Variants in FAT3 observed in about 807,000 individuals in gnomAD.
FAT3 encodes protocadherin Fat 3.
In FAT3, 95 loss-of-function variants were observed where a neutral mutation model predicts 310.2. The ratio of observed to expected loss-of-function variants is 0.31; its 90% CI spans 0.26 to 0.36. The LOEUF is 0.36. Among genes scored for constraint, FAT3 ranks in the 10% least tolerant of loss-of-function variants. The pLI, the probability that FAT3 is intolerant of heterozygous loss-of-function variation, is 1.00. For missense variants in FAT3, 5,408 were observed against 5,715.6 expected, an observed-to-expected ratio of 0.95 and a Z score of 1.74; for synonymous variants, 2,314 against 2,192.9, an observed-to-expected ratio of 1.06 and a Z score of -1.54.
At chr11:92,561,250 C>CGTGTGTGTGTGTGTGT (rs66585879) in intron 3 of FAT3, among the ~76,000 whole-genome samples, 1 of 148,382 alleles carries the variant, frequency 6.7e-6, no homozygotes, top group Admixed American at 6.7e-5. Context: ...CCTTCTACTT[C>CGTGTGTGTGTGTGTGT]GTGTGTGTGT....
intron 1 of FAT3, among the ~76,000 whole-genome samples, chr11:92,291,664 T>C (rs937965917): frequency 6.6e-6 from 1 of 152,130 alleles, no homozygotes; most frequent in Admixed American, 6.5e-5. Context: ...GAGCCACAGA[T>C]AAAATTCCAA....
chr11:92,474,951 T>C (rs1198225205), intron 2 of FAT3, among the ~76,000 whole-genome samples: 5 of 152,230 alleles, frequency 3.3e-5, no homozygotes, highest in Admixed American at 2.0e-4. Context: ...CAAGCAATAA[T>C]GGCTTTCTGA....
intron 2 of FAT3, among the ~76,000 whole-genome samples, chr11:92,431,355 G>A (rs922227662): frequency 2.6e-5 from 4 of 152,108 alleles, no homozygotes; most frequent in Admixed American, 2.6e-4. Flanking sequence ...TTTTGATGGG[G>A]TTGTTTGTTT....
At chr11:92,500,087 T>C (rs1400228132) in intron 2 of FAT3, among the ~76,000 whole-genome samples, 1 of 152,048 alleles carries the variant, frequency 6.6e-6, no homozygotes, top group Non-Finnish European at 1.5e-5. Context: ...ACTGGATCTG[T>C]AGACTGAGAA....
chr11:92,305,172 G>A (rs1020829595), intron 1 of FAT3, among the ~76,000 whole-genome samples: 1 of 152,034 alleles, frequency 6.6e-6, no homozygotes, highest in Non-Finnish European at 1.5e-5. Flanking sequence ...AGGTTGAAAG[G>A]GAAGACCTTG....
chr11:92,736,335 A>G (rs1308253024), intron 4 of FAT3, among the ~76,000 whole-genome samples: 1 of 152,254 alleles, frequency 6.6e-6, no homozygotes, highest in East Asian at 1.9e-4. Flanking sequence ...CAAGATGCTC[A>G]CCAAGCCCAA....
At chr11:92,395,104 A>G (rs1202496913) in intron 2 of FAT3, among the ~76,000 whole-genome samples, 1 of 152,198 alleles carries the variant, frequency 6.6e-6, no homozygotes, top group African/African-American at 2.4e-5. Context: ...TTCCTGCTTA[A>G]TAACATTAGC....
At chr11:92,423,931 A>G (rs764381517) in intron 2 of FAT3, among the ~76,000 whole-genome samples, 3 of 152,168 alleles carry the variant, frequency 2.0e-5, no homozygotes, top group Non-Finnish European at 4.4e-5. Flanking sequence ...TCTAAAATAT[A>G]CCTTCACAGT....
intron 2 of FAT3, among the ~76,000 whole-genome samples, chr11:92,417,744 G>A (rs1950446737): frequency 6.6e-6 from 1 of 151,808 alleles, no homozygotes; most frequent in African/African-American, 2.4e-5. Context: ...AGAGAAAATT[G>A]ACTAACCAAA....
rs559821086 is a variant in FAT3 at position 92,710,628 on chromosome 11, T to G, written c.3669+13183T>G. On this transcript the variant is annotated intron_variant, in intron 4 of 27. Transcript: ENST00000525166. ...TTAGCATTTTTTACAACAGAAGGTGTTGTTCTGTCTCTATCAGCAGTAGCC... is the reference window on the plus strand; with the variant it reads ...TTAGCATTTTTTACAACAGAAGGTGGTGTTCTGTCTCTATCAGCAGTAGCC... Among the ~76,000 whole-genome samples the G allele has an allele frequency of 2.0e-5, 3 of 152,316 alleles. No homozygotes were observed. The East Asian group carries it at 5.8e-4, about 29-fold the overall frequency.
intron 2 of FAT3, among the ~76,000 whole-genome samples, chr11:92,420,592 G>T (rs1950515528): frequency 6.6e-6 from 1 of 152,098 alleles, no homozygotes; most frequent in Non-Finnish European, 1.5e-5. Flanking sequence ...CCTTGATGGG[G>T]GGGTTAAGAG....
At chr11:92,656,801 T>C (rs1942596822) in intron 3 of FAT3, among the ~76,000 whole-genome samples, 1 of 152,206 alleles carries the variant, frequency 6.6e-6, no homozygotes, top group African/African-American at 2.4e-5. Flanking sequence ...TTTCATTTTA[T>C]TGATGGAAGA....
At chr11:92,299,002 T>C (rs1226562865) in intron 1 of FAT3, among the ~76,000 whole-genome samples, 4 of 152,106 alleles carry the variant, frequency 2.6e-5, no homozygotes, top group African/African-American at 7.2e-5. Flanking sequence ...GCAAAACATT[T>C]CATCTGTTGC....
At chr11:92,617,229 A>G (rs1350822565) in intron 3 of FAT3, among the ~76,000 whole-genome samples, 1 of 151,808 alleles carries the variant, frequency 6.6e-6, no homozygotes, top group Non-Finnish European at 1.5e-5. Context: ...CATTCATTTG[A>G]TCTTCCATCA....
intron 4 of FAT3, among the ~76,000 whole-genome samples, chr11:92,715,185 C>T (rs1944641770): frequency 1.3e-5 from 2 of 150,606 alleles, no homozygotes; most frequent in Non-Finnish European, 2.9e-5. Context: ...GTAGGCGGAT[C>T]ATGAGGTCAG....
intron 3 of FAT3, among the ~76,000 whole-genome samples, chr11:92,638,588 C>G (rs777982942): frequency 6.6e-6 from 1 of 152,092 alleles, no homozygotes; most frequent in Non-Finnish European, 1.5e-5. Context: ...TGTGGTTCCC[C>G]TACTTTTTGC....
intron 1 of FAT3, among the ~76,000 whole-genome samples, chr11:92,268,099 A>G (rs1198526552): frequency 6.6e-6 from 1 of 152,076 alleles, no homozygotes; most frequent in Non-Finnish European, 1.5e-5. Flanking sequence ...AAAAGGAGAA[A>G]GAAAACAAAC....
At chr11:92,602,346 G>A (rs903866553) in intron 3 of FAT3, among the ~76,000 whole-genome samples, 2 of 152,086 alleles carry the variant, frequency 1.3e-5, no homozygotes, top group African/African-American at 2.4e-5. Flanking sequence ...CAGGTGATCC[G>A]CCCACCTGGG....
intron 4 of FAT3, among the ~76,000 whole-genome samples, chr11:92,741,909 A>T (rs1945519208): frequency 6.6e-6 from 1 of 152,244 alleles, no homozygotes; most frequent in South Asian, 2.1e-4. Flanking sequence ...TTTATTAACA[A>T]TCAAAGATCC....
Sources: gnomAD v4.1 joint callset for allele counts (sites outside exome capture counted in the v4.1 genomes callset) on GRCh38, gnomAD v4.1.1 for gene constraint, MANE v1.5 for transcripts, NCBI Gene and HGNC (gene_info 2026-07-23, HGNC 2026-07-21) for gene names.